Variants in ADAMTS17 observed in about 807,000 individuals in gnomAD.
ADAMTS17 encodes A disintegrin and metalloproteinase with thrombospondin motifs 17.
ADAMTS17 carries 113 observed loss-of-function variants against 141.5 expected under a neutral mutation model. That is an observed-to-expected ratio of 0.80 (90% CI 0.69 to 0.93). The LOEUF (loss-of-function observed/expected upper bound fraction) is 0.93. Among genes scored for constraint, ADAMTS17 ranks in the 40% least tolerant of loss-of-function variants. The pLI is 0.00. For missense variants in ADAMTS17, 1,659 were observed against 1,517.9 expected, an observed-to-expected ratio of 1.09 and a Z score of -1.54; for synonymous variants, 768 against 630.6, an observed-to-expected ratio of 1.22 and a Z score of -3.27.
At chr15:99,981,353 G>T (rs1412508744) in intron 20 of ADAMTS17, among the ~76,000 whole-genome samples, 4 of 152,150 alleles carry the variant, frequency 2.6e-5, no homozygotes, top group Non-Finnish European at 4.4e-5. Context: ...CCCCCATGAG[G>T]CAGGGCCAGG....
intron 10 of ADAMTS17, among the ~76,000 whole-genome samples, chr15:100,148,968 C>T (rs1450413847): frequency 6.6e-6 from 1 of 152,102 alleles, no homozygotes; most frequent in African/African-American, 2.4e-5. Context: ...AAAACCAGTA[C>T]AGCTGGAATA....
intron 8 of ADAMTS17, among the ~76,000 whole-genome samples, chr15:100,175,936 G>A (rs1461000767): frequency 1.3e-5 from 2 of 152,100 alleles, no homozygotes; most frequent in African/African-American, 4.8e-5. Context: ...TTCTTTTTAG[G>A]ACATAAGAAA....
chr15:100,286,885 A>T (rs1412542659), intron 3 of ADAMTS17, among the ~76,000 whole-genome samples: 1 of 152,234 alleles, frequency 6.6e-6, no homozygotes, highest in Non-Finnish European at 1.5e-5. Context: ...AATCTAAGGA[A>T]TACAAAATGA....
intron 14 of ADAMTS17, among the ~76,000 whole-genome samples, chr15:100,102,820 C>A (rs900044080): frequency 6.6e-6 from 1 of 152,190 alleles, no homozygotes; most frequent in African/African-American, 2.4e-5. Flanking sequence ...TACTTGACAG[C>A]CCGTCAAGCT....
chr15:100,218,498 T>G (rs1341594426), intron 7 of ADAMTS17, among the ~76,000 whole-genome samples: 2 of 152,150 alleles, frequency 1.3e-5, no homozygotes, highest in East Asian at 3.9e-4. Context: ...ACATCAGCCA[T>G]TAGAGAAAGG....
intron 3 of ADAMTS17, among the ~76,000 whole-genome samples, chr15:100,317,693 G>A (rs115334113): frequency 0.019 from 2,927 of 152,316 alleles, 38 homozygotes; most frequent in Middle Eastern, 0.034. Flanking sequence ...TGGACTTGAG[G>A]TCAGCAAAAG....
chr15:100,045,214 T>C (rs1326080780), intron 18 of ADAMTS17, among the ~76,000 whole-genome samples: 1 of 152,152 alleles, frequency 6.6e-6, no homozygotes, highest in Non-Finnish European at 1.5e-5. Context: ...TTTGGGACGA[T>C]TATAATCAAA....
chr15:100,225,744 C>A (rs1345083531), intron 7 of ADAMTS17, among the ~76,000 whole-genome samples: 1 of 150,102 alleles, frequency 6.7e-6, no homozygotes, highest in Non-Finnish European at 1.5e-5. Flanking sequence ...GCCATTCAGT[C>A]CTTATAGCAG....
At chr15:100,259,785 A>G (rs370921288) in intron 6 of ADAMTS17, among the ~76,000 whole-genome samples, 5 of 152,332 alleles carry the variant, frequency 3.3e-5, no homozygotes, top group African/African-American at 1.2e-4. Context: ...ACCATCCACA[A>G]GAGTGAGCAG....
chr15:100,141,477 A>G (rs1323228529), intron 10 of ADAMTS17, among the ~76,000 whole-genome samples: 1 of 152,202 alleles, frequency 6.6e-6, no homozygotes. Context: ...AAGCCAAAAG[A>G]GAGAGAAAAT....
chr15:100,212,398 G>A (rs1484212535), intron 7 of ADAMTS17, among the ~76,000 whole-genome samples: 1 of 152,200 alleles, frequency 6.6e-6, no homozygotes, highest in Non-Finnish European at 1.5e-5. Context: ...AGTCCAGGGA[G>A]TTTCCTTTTA....
chr15:100,334,045 T>C (rs2046133253), intron 2 of ADAMTS17, among the ~76,000 whole-genome samples: 1 of 152,214 alleles, frequency 6.6e-6, no homozygotes, highest in Non-Finnish European at 1.5e-5. Context: ...ACTTGATATT[T>C]CAGCAGTTGT....
chr15:100,052,047 G>A (rs188449089), intron 16 of ADAMTS17, among the ~76,000 whole-genome samples: 20 of 152,358 alleles, frequency 1.3e-4, no homozygotes, highest in Admixed American at 1.2e-3. Context: ...TTTTGATGGA[G>A]AGCTGCGTCA....
Position 100,111,802 on chromosome 15 carries a change from T to G in ADAMTS17, c.1889-2686A>C, listed in dbSNP as rs754003864. 2.2e-4 allele frequency among the ~76,000 whole-genome samples: 33 copies of G among 152,224 alleles called. 1 individual carries two copies. The highest frequency in any genetic ancestry group is 3.4e-4 in the Non-Finnish European group (23 of 68,036). ...CATGCTAAGTAGTTATCTATTCGTT[T>G]CAGGTGGGTGCTGTCACTGTTCCAT... On this transcript the variant is annotated intron_variant, in intron 13 of 21. Coordinates refer to ENST00000268070, the MANE Select transcript of ADAMTS17 (RefSeq NM_139057.4).
At chr15:100,155,360 G>A (rs752676040) in intron 8 of ADAMTS17, 40 bp from the exon 9 acceptor site, 2 of 1,600,416 alleles carry the variant, frequency 1.2e-6, no homozygotes, top group Non-Finnish European at 1.7e-6. Context: ...TATGCTACAA[G>A]CTTCTCATTT....
chr15:100,153,302 C>A (rs576465228), intron 9 of ADAMTS17, among the ~76,000 whole-genome samples: 5 of 152,246 alleles, frequency 3.3e-5, no homozygotes, highest in Admixed American at 2.0e-4. Context: ...AGGATTTCAA[C>A]TGGGGTGGGA....
chr15:100,103,314 A>T (rs1029954127), intron 14 of ADAMTS17, among the ~76,000 whole-genome samples: 2 of 152,212 alleles, frequency 1.3e-5, no homozygotes, highest in Admixed American at 6.5e-5. Flanking sequence ...AGCATCGTGA[A>T]GATGCAAACC....
chr15:100,184,970 A>G (rs2040656654), intron 8 of ADAMTS17, among the ~76,000 whole-genome samples: 1 of 152,158 alleles, frequency 6.6e-6, no homozygotes, highest in Non-Finnish European at 1.5e-5. Flanking sequence ...CTCTGTCTCC[A>G]AATTCAGACA....
intron 7 of ADAMTS17, among the ~76,000 whole-genome samples, chr15:100,204,759 T>G (rs1269194738): frequency 6.6e-6 from 1 of 152,084 alleles, no homozygotes; most frequent in African/African-American, 2.4e-5. Context: ...AAAGCACAAG[T>G]AGGGGTGGGA....
Sources: gnomAD v4.1 joint callset for allele counts (sites outside exome capture counted in the v4.1 genomes callset) on GRCh38, gnomAD v4.1.1 for gene constraint, MANE v1.5 for transcripts, NCBI Gene and HGNC (gene_info 2026-07-23, HGNC 2026-07-21) for gene names.